Variants in KIF6 observed in about 807,000 individuals in gnomAD.
KIF6 encodes the protein kinesin family member 6.
In KIF6, 106 loss-of-function variants were observed where a neutral mutation model predicts 112.7. The ratio of observed to expected loss-of-function variants is 0.94; its 90% CI spans 0.80 to 1.11. The LOEUF is 1.11. KIF6 is among the 50% of genes least tolerant of loss of function. The probability of loss-of-function intolerance (pLI) is 0.00; values close to 1 mark genes in which losing one functional copy is unlikely to be tolerated. For synonymous variants in KIF6, 339 were observed against 339.9 expected, an observed-to-expected ratio of 1.00 and a Z score of 0.03; for missense variants, 929 against 964.0, an observed-to-expected ratio of 0.96 and a Z score of 0.48.
intron 7 of KIF6, 60 bp downstream of exon 7, chr6:39,595,994 A>G: frequency 7.7e-7 from 1 of 1,296,726 alleles, no homozygotes; most frequent in African/African-American, 1.5e-5. Context: ...CCTGATACAT[A>G]GTATGTGGTC....
At chr6:39,444,673 C>A (rs1772191039) in intron 13 of KIF6, among the ~76,000 whole-genome samples, 1 of 150,704 alleles carries the variant, frequency 6.6e-6, no homozygotes, top group Non-Finnish European at 1.5e-5. Context: ...TGGCAACTAC[C>A]ATTCTACTCT....
intron 12 of KIF6, among the ~76,000 whole-genome samples, chr6:39,542,216 C>T (rs550639560): frequency 1.3e-4 from 20 of 152,226 alleles, no homozygotes; most frequent in African/African-American, 3.9e-4. Context: ...TCATAAAGAT[C>T]GCAATACGAA....
chr6:39,703,131 T>C (rs951914872), intron 3 of KIF6, among the ~76,000 whole-genome samples: 5 of 138,540 alleles, frequency 3.6e-5, no homozygotes, highest in Admixed American at 2.4e-4. Context: ...ATTTTGCCTA[T>C]TTGTCATGGC....
chr6:39,404,359 A>G (rs1251171725), intron 15 of KIF6, among the ~76,000 whole-genome samples: 1 of 152,182 alleles, frequency 6.6e-6, no homozygotes, highest in Non-Finnish European at 1.5e-5. Context: ...GTGTAAGATT[A>G]CATTGAGATT....
chr6:39,694,873 C>T (rs1788432264), intron 3 of KIF6, among the ~76,000 whole-genome samples: 1 of 151,854 alleles, frequency 6.6e-6, no homozygotes, highest in South Asian at 2.1e-4. Context: ...CAATCCTAAG[C>T]AAAAAGAATA....
chr6:39,479,913 C>G (rs1452305141), intron 13 of KIF6, among the ~76,000 whole-genome samples: 2 of 152,138 alleles, frequency 1.3e-5, no homozygotes, highest in Non-Finnish European at 1.5e-5. Context: ...TATCCTGAAA[C>G]TTTGCTGAAT....
At chr6:39,405,056 G>A (rs1338992052) in intron 15 of KIF6, among the ~76,000 whole-genome samples, 1 of 151,868 alleles carries the variant, frequency 6.6e-6, no homozygotes, top group Non-Finnish European at 1.5e-5. Context: ...TGATTTTTAT[G>A]TGTAGACCTT....
chr6:39,672,000 G>C (rs1786844590), intron 3 of KIF6, among the ~76,000 whole-genome samples: 1 of 152,182 alleles, frequency 6.6e-6, no homozygotes, highest in Admixed American at 6.5e-5. Context: ...ATCCAGGGTT[G>C]GTTCCCACCT....
intron 16 of KIF6, among the ~76,000 whole-genome samples, chr6:39,381,450 T>C (rs1165556905): frequency 2.6e-5 from 4 of 152,190 alleles, no homozygotes; most frequent in East Asian, 3.8e-4. Context: ...ACTTCTTTAC[T>C]CTTAGATCTG....
At chr6:39,394,848 A>G (rs774256078) in intron 15 of KIF6, among the ~76,000 whole-genome samples, 2 of 152,248 alleles carry the variant, frequency 1.3e-5, no homozygotes, top group Non-Finnish European at 2.9e-5. Context: ...GCAGCTCCTT[A>G]TAAAAGATAT....
chr6:39,405,680 A>G (rs1037107146), intron 15 of KIF6, among the ~76,000 whole-genome samples: 1 of 152,172 alleles, frequency 6.6e-6, no homozygotes, highest in African/African-American at 2.4e-5. Flanking sequence ...CTGGTTTGGG[A>G]TCAGGATAAT....
At chr6:39,626,513 G>A (rs1387712711) in intron 5 of KIF6, among the ~76,000 whole-genome samples, 3 of 152,122 alleles carry the variant, frequency 2.0e-5, no homozygotes, top group Non-Finnish European at 4.4e-5. Flanking sequence ...ATGAAATCCT[G>A]GGGTAACAGC....
chr6:39,369,102 G>A (rs1019737177), intron 16 of KIF6, among the ~76,000 whole-genome samples: 13 of 152,282 alleles, frequency 8.5e-5, no homozygotes, highest in African/African-American at 2.9e-4. Context: ...CTATTCTTAC[G>A]GAGATTGATG....
At chr6:39,352,229 TTA>T (rs2150239743) in intron 19 of KIF6, among the ~76,000 whole-genome samples, 1 of 152,354 alleles carries the variant, frequency 6.6e-6, no homozygotes, top group South Asian at 2.1e-4. Context: ...ACATTTTGTA[TTA>T]GTGTGATAAA....
intron 3 of KIF6, 117 bp from the exon 4 acceptor site, chr6:39,639,874 A>G: frequency 2.4e-6 from 2 of 825,818 alleles, no homozygotes; most frequent in South Asian, 4.2e-5. Flanking sequence ...TTATAGAAAT[A>G]TCTATTAAAA....
At position 39,532,858 on chromosome 6, in the gene KIF6, T is replaced by G. The variant is rs114309847; in HGVS notation, c.1645+7145A>C. Among the ~76,000 whole-genome samples the G allele has an allele frequency of 9.7e-3, 1,470 of 152,294 alleles. 33 individuals carry two copies. The highest frequency in any genetic ancestry group is 0.033 in the African/African-American group (1,364 of 41,558). Reference sequence around the variant, plus strand: ...GGCTTTACCCATTTGTTCTAGGACATTCCATAGATCTGGTTCCTCAATGTG... The same window carrying G: ...GGCTTTACCCATTTGTTCTAGGACAGTCCATAGATCTGGTTCCTCAATGTG... On this transcript the variant is annotated intron_variant, in intron 13 of 22. Transcript: ENST00000287152.
intron 7 of KIF6, among the ~76,000 whole-genome samples, chr6:39,594,119 C>T (rs903721585): frequency 4.6e-5 from 7 of 151,246 alleles, no homozygotes; most frequent in African/African-American, 1.5e-4. Context: ...ACTACTCACA[C>T]GAGGCTGTCA....
intron 7 of KIF6, among the ~76,000 whole-genome samples, chr6:39,591,948 C>CAAAAATACAA (rs1781976097): frequency 6.6e-6 from 1 of 151,740 alleles, no homozygotes; most frequent in Admixed American, 6.6e-5. Flanking sequence ...CCATCTTTAC[C>CAAAAATACAA]AAAAATACAA....
At chr6:39,510,872 C>CG (rs1776741593) in intron 13 of KIF6, among the ~76,000 whole-genome samples, 2 of 23,858 alleles carry the variant, frequency 8.4e-5, no homozygotes, top group African/African-American at 3.1e-4. Context: ...AAATGGGAAG[C>CG]AAAAAAAAAA....
Sources: allele counts gnomAD v4.1 joint callset (sites outside exome capture counted in the v4.1 genomes callset), GRCh38; gene constraint gnomAD v4.1.1; transcripts MANE v1.5; gene names NCBI Gene and HGNC (gene_info 2026-07-23, HGNC 2026-07-21).